Variants in ADGRL2 observed in about 807,000 individuals in gnomAD.
ADGRL2 encodes calcium-independent alpha-latrotoxin receptor 2.
ADGRL2 carries 44 observed loss-of-function variants against 157.4 expected under a neutral mutation model. The ratio of observed to expected loss-of-function variants is 0.28; its 90% confidence interval spans 0.22 to 0.36. The LOEUF is 0.36. Among genes scored for constraint, ADGRL2 ranks in the 10% least tolerant of loss-of-function variants. ADGRL2 has a pLI of 1.00. For synonymous variants in ADGRL2, 585 were observed against 624.7 expected (o/e 0.94, Z 0.95); for missense variants, 1,510 against 1,768.9 (o/e 0.85, Z 2.63).
intron 4 of ADGRL2, among the ~76,000 whole-genome samples, chr1:81,941,035 T>C (rs574109788): frequency 6.6e-6 from 1 of 151,454 alleles, no homozygotes; most frequent in South Asian, 2.1e-4. Context: ...TTGCTCTGAA[T>C]GCTCGGTATG....
intron 10 of ADGRL2, 34 bp from the exon 11 acceptor site, chr1:81,955,843 G>T: frequency 6.9e-7 from 1 of 1,442,384 alleles, no homozygotes; most frequent in Non-Finnish European, 9.3e-7. Flanking sequence ...TCTAAAAGCG[G>T]TCAAAACTAA....
At chr1:81,708,037 C>T (rs2083797133) in intron 1 of ADGRL2, among the ~76,000 whole-genome samples, 1 of 152,266 alleles carries the variant, frequency 6.6e-6, no homozygotes, top group East Asian at 1.9e-4. Context: ...CGCTTGTTCT[C>T]TCTTTCTTTT....
chr1:81,570,336 T>C (rs2080658859), intron 2 of ADGRL2, among the ~76,000 whole-genome samples: 1 of 152,196 alleles, frequency 6.6e-6, no homozygotes, highest in African/African-American at 2.4e-5. Context: ...CCAACTGTAA[T>C]TGCTACTCAT....
intron 2 of ADGRL2, among the ~76,000 whole-genome samples, chr1:81,528,514 G>T (rs1024793230): frequency 6.6e-6 from 1 of 151,998 alleles, no homozygotes; most frequent in East Asian, 1.9e-4. Flanking sequence ...GGGCGCTGTG[G>T]CAGGCGCCTG....
intron 13 of ADGRL2, among the ~76,000 whole-genome samples, 163 bp from the exon 14 acceptor site, chr1:81,967,863 A>G (rs542717197): frequency 1.3e-5 from 2 of 152,334 alleles, no homozygotes; most frequent in South Asian, 2.1e-4. Flanking sequence ...TTTAAGCTAG[A>G]TATCTGCCTT....
chr1:81,546,862 G>T (rs534530302), intron 2 of ADGRL2, among the ~76,000 whole-genome samples: 2 of 152,142 alleles, frequency 1.3e-5, no homozygotes, highest in South Asian at 2.1e-4. Context: ...TCTCCCAGAG[G>T]TGGTCATCTC....
At chr1:81,327,027 T>C (rs904944605) in intron 1 of ADGRL2, among the ~76,000 whole-genome samples, 2 of 152,134 alleles carry the variant, frequency 1.3e-5, no homozygotes, top group Non-Finnish European at 1.5e-5. Flanking sequence ...TTAATACAAA[T>C]AAAGCCCAAA....
At chr1:81,624,552 C>G (rs1439652203) in intron 3 of ADGRL2, among the ~76,000 whole-genome samples, 1 of 116,754 alleles carries the variant, frequency 8.6e-6, no homozygotes. Flanking sequence ...ACTGCCCCAC[C>G]CCCCCCAAAA....
At chr1:81,344,681 A>AAT (rs1181619556) in intron 1 of ADGRL2, among the ~76,000 whole-genome samples, 1 of 149,034 alleles carries the variant, frequency 6.7e-6, no homozygotes, top group African/African-American at 2.4e-5. Context: ...AAAAAAAAAA[A>AAT]AAAAAAAAAG....
chr1:81,473,489 T>C (rs1236023725), intron 2 of ADGRL2, among the ~76,000 whole-genome samples: 1 of 152,246 alleles, frequency 6.6e-6, no homozygotes, highest in Admixed American at 6.5e-5. Flanking sequence ...ATTAATCCAG[T>C]TAAACGTATT....
At chr1:81,688,502 C>A (rs1480861440) in intron 3 of ADGRL2, among the ~76,000 whole-genome samples, 4 of 152,032 alleles carry the variant, frequency 2.6e-5, no homozygotes, top group Non-Finnish European at 5.9e-5. Context: ...CTAAAAGTGT[C>A]CATAGTTTCC....
chr1:81,931,584 G>A (rs1330451804), intron 3 of ADGRL2, among the ~76,000 whole-genome samples: 1 of 152,146 alleles, frequency 6.6e-6, no homozygotes, highest in Non-Finnish European at 1.5e-5. Flanking sequence ...TATATGTTTA[G>A]AATTTGGGAC....
At chr1:81,725,720 A>G (rs1416254135) in intron 1 of ADGRL2, among the ~76,000 whole-genome samples, 2 of 152,232 alleles carry the variant, frequency 1.3e-5, no homozygotes, top group African/African-American at 4.8e-5. Context: ...AAATATCACC[A>G]TAAGTGGGTA....
intron 3 of ADGRL2, among the ~76,000 whole-genome samples, chr1:81,691,544 G>A (rs532782954): frequency 1.3e-5 from 2 of 151,936 alleles, no homozygotes; most frequent in African/African-American, 4.8e-5. Context: ...TGTTGCCCAG[G>A]CTGGAGTGCA....
intron 1 of ADGRL2, among the ~76,000 whole-genome samples, chr1:81,313,283 C>T (rs1659876158): frequency 6.6e-6 from 1 of 152,190 alleles, no homozygotes; most frequent in Non-Finnish European, 1.5e-5. Flanking sequence ...ATTCTTAGGT[C>T]TTCTCACAGT....
intron 3 of ADGRL2, among the ~76,000 whole-genome samples, chr1:81,616,033 A>G (rs1352138750): frequency 1.3e-5 from 2 of 151,338 alleles, no homozygotes; most frequent in East Asian, 3.9e-4. Flanking sequence ...CTCAAGCCTC[A>G]CCCTTCCCCA....
chr1:81,810,775 A>G (rs1273722651), intron 1 of ADGRL2, among the ~76,000 whole-genome samples: 2 of 151,912 alleles, frequency 1.3e-5, no homozygotes, highest in Non-Finnish European at 2.9e-5. Flanking sequence ...TCTCTCCAAT[A>G]TTAAAGAGAT....
At chr1:81,601,337 A>G (rs372413484) in intron 3 of ADGRL2, among the ~76,000 whole-genome samples, 7 of 152,294 alleles carry the variant, frequency 4.6e-5, no homozygotes, top group African/African-American at 1.7e-4. Context: ...TCTACAGGAC[A>G]GCAACACCAC....
chr1:81,346,597 T>C (rs912738788), intron 1 of ADGRL2, among the ~76,000 whole-genome samples: 1 of 152,142 alleles, frequency 6.6e-6, no homozygotes, highest in Admixed American at 6.5e-5. Flanking sequence ...ACTTTATAAG[T>C]AGAGAAAGAG....
Sources: gnomAD v4.1 joint callset for allele counts (sites outside exome capture counted in the v4.1 genomes callset) on GRCh38, gnomAD v4.1.1 for gene constraint, MANE v1.5 for transcripts, NCBI Gene and HGNC (gene_info 2026-07-23, HGNC 2026-07-21) for gene names.